The following PRKN variants were observed in gnomAD, a reference collection of about 807,000 sequenced individuals.
PRKN encodes E3 ubiquitin-protein ligase parkin.
A neutral mutation model predicts 59.5 loss-of-function variants in PRKN; 56 were observed. That is an observed-to-expected ratio of 0.94 (90% confidence interval 0.76 to 1.18). PRKN has a LOEUF of 1.18. PRKN is among the 50% of genes most tolerant of loss of function. The pLI, the probability that PRKN is intolerant of heterozygous loss-of-function variation, is 0.00. For missense variants in PRKN, 657 were observed against 596.4 expected, an observed-to-expected ratio of 1.10 and a Z score of -1.06; for synonymous variants, 250 against 222.1, an observed-to-expected ratio of 1.13 and a Z score of -1.12.
rs11968973 is a variant in PRKN, at chr6:161,410,856, G to C, written c.1084-23979C>G. On this transcript the variant is annotated intron_variant, in intron 9 of 11. Coordinates refer to ENST00000366898, the MANE Select transcript of PRKN (RefSeq NM_004562.3). The surrounding 1 kb of genome is among the most constrained non-coding windows in gnomAD (Gnocchi z 5.3). ...ATGATATGGGATTCCTTAAAACCAA[G>C]CAAAGCAACTCATCACCTACCCATA... is the stretch of plus-strand genomic sequence containing the variant. 0.014 allele frequency among the ~76,000 whole-genome samples: 2,087 copies of C among 152,060 alleles called. 50 individuals carry two copies. Among genetic ancestry groups the C allele is most frequent in the African/African-American group, 0.048 (1,989 of 41,438 alleles).
chr6:161,871,539 C>T (rs952906357), intron 6 of PRKN, among the ~76,000 whole-genome samples: 1 of 152,172 alleles, frequency 6.6e-6, no homozygotes, highest in Non-Finnish European at 1.5e-5. Flanking sequence ...TTATATTTTA[C>T]AATCCTAGAC....
chr6:162,512,986 T>C (rs1777696239), intron 1 of PRKN, among the ~76,000 whole-genome samples: 1 of 152,088 alleles, frequency 6.6e-6, no homozygotes, highest in South Asian at 2.1e-4. Flanking sequence ...CTGGCACAAA[T>C]CCTAAACTTT....
chr6:161,842,997 T>G (rs1793051731), intron 6 of PRKN, among the ~76,000 whole-genome samples: 1 of 152,136 alleles, frequency 6.6e-6, no homozygotes, highest in South Asian at 2.1e-4. Flanking sequence ...TTTAATCTAC[T>G]CAGGAGTGCT....
chr6:162,560,011 C>T (rs921800791), intron 1 of PRKN, among the ~76,000 whole-genome samples: 11 of 152,214 alleles, frequency 7.2e-5, no homozygotes, highest in African/African-American at 2.7e-4. Flanking sequence ...GCTCAATTAA[C>T]ATCTGATACC....
At position 162,301,755 on chromosome 6, in the gene PRKN, T is replaced by A. The variant is rs527657413; in HGVS notation, c.172-38990A>T. 1.1e-4 allele frequency among the ~76,000 whole-genome samples: 13 copies of A among 122,894 alleles called. No homozygotes were observed. In the East Asian group the frequency reaches 3.4e-3, roughly 32 times the overall value. The allele number at this position is 122,894 out of a possible 152,430, so 80.6% of individuals were successfully genotyped here. ...CTAAATACAGCCTCACTGGGGAGGTTAAACTTCAGCAAATAAATTGGCCGG... is the reference window on the plus strand; with the variant it reads ...CTAAATACAGCCTCACTGGGGAGGTAAAACTTCAGCAAATAAATTGGCCGG... On this transcript the variant is annotated intron_variant, in intron 2 of 11. Coordinates refer to ENST00000366898, the MANE Select transcript of PRKN (RefSeq NM_004562.3).
In PRKN at chr6:161,561,943, T is replaced by A. The variant is rs1780470902; in HGVS notation, c.933+7412A>T. ...ACTGCTCATTATGGTCATTCGTGAC[T>A]TTTGCCACAGTGTCACAGGCGAAGG... is the stretch of plus-strand genomic sequence containing the variant. On this transcript the variant is annotated intron_variant, in intron 8 of 11. Coordinates refer to ENST00000366898, the MANE Select transcript of PRKN (RefSeq NM_004562.3). The surrounding 1 kb of genome is among the most constrained non-coding windows in gnomAD (Gnocchi z 5.0). 6.6e-6 allele frequency among the ~76,000 whole-genome samples: 1 copy of A among 152,106 alleles called. No homozygotes were observed. Among genetic ancestry groups the A allele is most frequent in the Non-Finnish European group, 1.5e-5 (1 of 68,028 alleles).
intron 9 of PRKN, among the ~76,000 whole-genome samples, chr6:161,406,094 C>G (rs1415076554): frequency 6.6e-6 from 1 of 151,688 alleles, no homozygotes; most frequent in African/African-American, 2.4e-5. Context: ...TGTTTTGTTC[C>G]TTTATACATA....
intron 2 of PRKN, among the ~76,000 whole-genome samples, chr6:162,340,583 A>G (rs1430575660): frequency 5.9e-5 from 9 of 152,192 alleles, no homozygotes; most frequent in African/African-American, 1.7e-4. Flanking sequence ...AAACAGATAT[A>G]TAGACCAATG....
intron 1 of PRKN, among the ~76,000 whole-genome samples, chr6:162,559,133 A>G (rs1779732526): frequency 7.3e-6 from 1 of 137,478 alleles, no homozygotes; most frequent in Admixed American, 7.7e-5. Context: ...CCTGGGCGAC[A>G]GAGCAAGATT....
chr6:161,555,668 A>G lies in PRKN; in HGVS notation c.934-6665T>C, dbSNP rs576559381. Among the ~76,000 whole-genome samples, 5 of 152,226 alleles carry G rather than the reference A, an allele frequency of 3.3e-5. No individual in the cohort carries two copies. In the South Asian group the frequency reaches 1.0e-3, roughly 32 times the overall value. On this transcript the variant is annotated intron_variant, in intron 8 of 11. Transcript: ENST00000366898. ...CTGAGGAGGGCCTTTGCCTGGGTAA[A>G]TCTGGTGAGTGCATGAGACCTAAAG...
chr6:162,334,589 G>A (rs563629502), intron 2 of PRKN, among the ~76,000 whole-genome samples: 2 of 152,138 alleles, frequency 1.3e-5, no homozygotes, highest in Non-Finnish European at 2.9e-5. Context: ...AGATACACAA[G>A]GAGATTAATT....
At chr6:162,696,908 A>G (rs1449020045) in intron 1 of PRKN, among the ~76,000 whole-genome samples, 1 of 152,148 alleles carries the variant, frequency 6.6e-6, no homozygotes, top group Non-Finnish European at 1.5e-5. Context: ...TCATCCATAA[A>G]TACATCAGCA....
intron 4 of PRKN, among the ~76,000 whole-genome samples, chr6:162,176,904 T>C (rs1783561948): frequency 6.9e-6 from 1 of 145,644 alleles, no homozygotes; most frequent in African/African-American, 2.5e-5. Context: ...TTTTGGCTAA[T>C]CAGACTCTGA....
chr6:161,996,924 CT>C (rs1190632122), intron 5 of PRKN, among the ~76,000 whole-genome samples: 1 of 152,104 alleles, frequency 6.6e-6, no homozygotes, highest in Non-Finnish European at 1.5e-5. Context: ...AACCCAACCA[CT>C]TACATGTGCC....
At chr6:162,281,676 T>A (rs1780916867) in intron 2 of PRKN, among the ~76,000 whole-genome samples, 1 of 152,184 alleles carries the variant, frequency 6.6e-6, no homozygotes, top group Non-Finnish European at 1.5e-5. Context: ...AATAGAAGAA[T>A]TATAGTCAAA....
At chr6:162,656,212 A>G (rs887747081) in intron 1 of PRKN, among the ~76,000 whole-genome samples, 2 of 152,184 alleles carry the variant, frequency 1.3e-5, no homozygotes, top group African/African-American at 4.8e-5. Context: ...ATATGTATTA[A>G]TTTAAGAGCA....
rs1337761848 is a variant in PRKN at position 161,407,030 on chromosome 6, CA to C, written c.1084-20154del. On this transcript the variant is annotated intron_variant, in intron 9 of 11. Coordinates refer to ENST00000366898, the MANE Select transcript of PRKN (RefSeq NM_004562.3). This position sits in a 1 kb window ranked among gnomAD's most constrained non-coding sequence, Gnocchi z 4.9. ...GGATATTTTTAACAAAATGGGACTT[CA>C]GAGAAATTTAATTAAGATTTATTTC... is the stretch of plus-strand genomic sequence containing the variant. Among the ~76,000 whole-genome samples, 5 of 151,994 alleles carry C rather than the reference CA, an allele frequency of 3.3e-5. No individual in the cohort carries two copies. Among genetic ancestry groups the C allele is most frequent in the Non-Finnish European group, 5.9e-5 (4 of 68,030 alleles).
At chr6:161,537,750 C>T (rs964263851) in intron 9 of PRKN, among the ~76,000 whole-genome samples, 1 of 152,206 alleles carries the variant, frequency 6.6e-6, no homozygotes, top group African/African-American at 2.4e-5. Context: ...TGCGCCCGGC[C>T]TCAAATTCTT....
At chr6:162,561,558 A>T (rs1779846206) in intron 1 of PRKN, among the ~76,000 whole-genome samples, 1 of 152,156 alleles carries the variant, frequency 6.6e-6, no homozygotes, top group Non-Finnish European at 1.5e-5. Flanking sequence ...CACTGAAGTG[A>T]TTTAAAAAAA....
Sources: gnomAD v4.1 joint callset for allele counts (sites outside exome capture counted in the v4.1 genomes callset) on GRCh38, gnomAD v4.1.1 for gene constraint, Gnocchi (gnomAD v3.1) non-coding constraint, MANE v1.5 for transcripts, NCBI Gene and HGNC (gene_info 2026-07-23, HGNC 2026-07-21) for gene names.